The following DHRS11 variants were observed in gnomAD, a reference collection of about 807,000 sequenced individuals.
The protein encoded by DHRS11 is dehydrogenase/reductase 11.
Under a neutral mutation model 30.7 loss-of-function variants are expected in DHRS11, and 18 were observed. That is an observed-to-expected ratio of 0.59 (90% CI 0.41 to 0.87). DHRS11 has a LOEUF of 0.87. Among genes scored for constraint, DHRS11 ranks in the 40% least tolerant of loss-of-function variants. The pLI is 0.00. For missense variants in DHRS11, 300 were observed against 349.0 expected (o/e 0.86, Z 1.12); for synonymous variants, 123 against 139.6 (o/e 0.88, Z 0.84).
At position 36,592,295 on chromosome 17, in the gene DHRS11, T is replaced by A. The variant is rs995847566; in HGVS notation, c.147+139T>A. On this transcript the variant is annotated intron_variant, in intron 1 of 6. Transcript: ENST00000618403. The surrounding 1 kb of genome is among the most constrained non-coding windows in gnomAD (Gnocchi z 4.4). The stretch of plus-strand genomic sequence containing the variant: ...CTTAAGGCAGGCTTCTCCCTTCCCC[T>A]TAAGTCTCATCTTTGAAGGAGCCGT... 114 of 1,101,690 alleles carry A rather than the reference T, an allele frequency of 1.0e-4. No homozygotes were observed. Among genetic ancestry groups the A allele is most frequent in the Non-Finnish European group, 1.3e-4 (109 of 871,206 alleles). 68.2% of individuals were successfully genotyped at this position (1,101,690 alleles called of 1,614,324 possible). A position where few individuals can be genotyped will look rare whatever the true frequency, so the allele number is the denominator to read the frequency against.
chr17:36,595,410 C>CTTTTTTTTTT (rs34424724), intron 2 of DHRS11, among the ~76,000 whole-genome samples: 1 of 51,640 alleles, frequency 1.9e-5, no homozygotes, highest in African/African-American at 8.9e-5. Context: ...GGAGGTAGTT[C>CTTTTTTTTTT]TTTTTTTTTT....
Position 36,595,249 on chromosome 17 carries a change from A to C in DHRS11, c.357+69A>C, listed in dbSNP as rs1246325966. On this transcript the variant is annotated intron_variant, in intron 2 of 6. Coordinates refer to ENST00000618403, the MANE Select transcript of DHRS11 (RefSeq NM_024308.4). ...GAGAGAGGGGAGCCAGGGGTTTGTGAACCAGAGTGCTGCTGGGGACGGGAC... is the reference window on the plus strand; with the variant it reads ...GAGAGAGGGGAGCCAGGGGTTTGTGCACCAGAGTGCTGCTGGGGACGGGAC... 4 of 1,571,582 alleles carry C rather than the reference A, an allele frequency of 2.5e-6. No homozygotes were observed. In the African/African-American group the frequency reaches 5.4e-5, roughly 21 times the overall value.
In DHRS11 at chr17:36,600,349, A is replaced by G. The variant is rs1408200264; in HGVS notation, c.*146A>G. 1.0e-5 allele frequency: 9 copies of G among 890,808 alleles called. No individual in the cohort carries two copies. Among genetic ancestry groups the G allele is most frequent in the South Asian group, 1.0e-4 (6 of 60,192 alleles). 55.2% of individuals were successfully genotyped at this position (890,808 alleles called of 1,614,324 possible). ...TAGAAAATTTGTTTGAGATTTTTAT[A>G]TCATCTTGTCAAATTGCTTCAGTTG... On this transcript the variant is annotated 3_prime_UTR_variant, in exon 7 of 7. Coordinates refer to ENST00000618403, the MANE Select transcript of DHRS11 (RefSeq NM_024308.4).
chr17:36,595,061 A>G lies in DHRS11; in HGVS notation c.238A>G (p.Met80Val), dbSNP rs541796758. The change falls in exon 2 of 7, where the codon ATG (methionine) becomes GTG (valine). Residue 80 changes from methionine to valine, a missense_variant. Transcript: ENST00000618403. Reference protein sequence around the residue: ...DLSNEEDILSMFSAIRSQHSG... With the variant: ...DLSNEEDILSVFSAIRSQHSG... ...ATCAAATGAAGAGGACATCCTCTCC[A>G]TGTTCTCAGCTATCCGTTCTCAGCA... is the stretch of plus-strand genomic sequence containing the variant. 1.1e-4 allele frequency: 171 copies of G among 1,614,090 alleles called. No homozygotes were observed. The highest frequency in any genetic ancestry group is 1.4e-4 in the Non-Finnish European group (162 of 1,180,038).
chr17:36,599,050 G>T lies in DHRS11; in HGVS notation c.582G>T (p.Thr194=). The T allele has an allele frequency of 6.2e-7, 1 of 1,611,132 alleles. No homozygotes were observed. The highest frequency in any genetic ancestry group is 1.1e-5 in the South Asian group (1 of 91,060). The part of the protein sequence containing the change: ...LREAQTHIRA[T]CISPGVVETQ... Reference sequence around the variant, plus strand: ...AGGCCCAGACCCACATCCGAGCCACGGTGAGGCTGTGGCCTAGCCCTGGTG... The same window carrying T: ...AGGCCCAGACCCACATCCGAGCCACTGTGAGGCTGTGGCCTAGCCCTGGTG... Residue 194 remains threonine, a splice_region_variant and synonymous_variant, in exon 4 of 7, where the codon ACG becomes ACT. Transcript: ENST00000618403.
chr17:36,591,998 C>A lies in DHRS11; in HGVS notation c.-12C>A. 1 of 1,225,010 alleles carries A rather than the reference C, an allele frequency of 8.2e-7. No individual in the cohort carries two copies. The highest frequency in any genetic ancestry group is 1.0e-6 in the Non-Finnish European group (1 of 983,378). The allele number at this position is 1,225,010 out of a possible 1,614,324, so 75.9% of individuals were successfully genotyped here. The stretch of plus-strand genomic sequence containing the variant: ...GGGCTAGTCCAGCGAGGCGGACGGG[C>A]GGCGTGGGCCCATGGCCAGGCCCGG... On this transcript the variant is annotated 5_prime_UTR_variant, in exon 1 of 7. Coordinates refer to ENST00000618403, the MANE Select transcript of DHRS11 (RefSeq NM_024308.4).
At chr17:36,596,578 T>C (rs2074812817) in intron 2 of DHRS11, 1 of 304,808 alleles carries the variant, frequency 3.3e-6, no homozygotes, top group Non-Finnish European at 6.6e-6. Flanking sequence ...TATTCTCTGG[T>C]ATGGCTTGAT....
In DHRS11 at chr17:36,599,011, G is replaced by A. The variant is rs200684120; in HGVS notation, c.543G>A (p.Arg181=). The A allele has an allele frequency of 1.7e-5, 27 of 1,613,082 alleles. No individual in the cohort carries two copies. The East Asian group carries it at 5.8e-4, about 35-fold the overall frequency. Residue 181 remains arginine (R), a synonymous_variant, in exon 4 of 7, where the codon AGG becomes AGA. Coordinates refer to ENST00000618403, the MANE Select transcript of DHRS11 (RefSeq NM_024308.4). ...YAVTALTEGL[R]QELREAQTHI... ...TCACTGCGCTGACAGAGGGACTGAG[G>A]CAAGAGCTTCGGGAGGCCCAGACCC...
intron 3 of DHRS11, chr17:36,598,535 A>G (rs1177611051): frequency 5.5e-6 from 3 of 540,942 alleles, no homozygotes; most frequent in Non-Finnish European, 9.8e-6. Context: ...ACCCCACCTC[A>G]TGGCACAAAG....
chr17:36,598,053 C>A, intron 2 of DHRS11, 110 bp from the exon 3 acceptor site: 1 of 1,085,484 alleles, frequency 9.2e-7, no homozygotes, highest in Non-Finnish European at 1.4e-6. Flanking sequence ...GGGACCTGGA[C>A]ACTGTTTTGG....
Position 36,598,847 on chromosome 17 carries a change from CG to C in DHRS11, c.453-71del. The C allele has an allele frequency of 3.9e-6, 6 of 1,539,028 alleles. No individual in the cohort carries two copies. In the South Asian group the frequency reaches 7.5e-5, roughly 19 times the overall value. On this transcript the variant is annotated intron_variant, in intron 3 of 6. Coordinates refer to ENST00000618403, the MANE Select transcript of DHRS11 (RefSeq NM_024308.4). The stretch of plus-strand genomic sequence containing the variant: ...TGGGCATCTGGGTGGTGGGGCTGAC[CG>C]GGTACGGCAGGAGCACCACTGGTCT...
At position 36,592,181 on chromosome 17, in the gene DHRS11, C is replaced by A. The variant is rs372656712; in HGVS notation, c.147+25C>A. ...GGTGAGGCCGGGCCGAGGGCGGGGA[C>A]GTCGCGGGCGGGTCGTTTCCCCGGA... On this transcript the variant is annotated intron_variant, in intron 1 of 6. Coordinates refer to ENST00000618403, the MANE Select transcript of DHRS11 (RefSeq NM_024308.4). This position sits in a 1 kb window ranked among gnomAD's most constrained non-coding sequence, Gnocchi z 4.4. 7.9e-7 allele frequency: 1 copy of A among 1,261,864 alleles called. No homozygotes were observed. The highest frequency in any genetic ancestry group is 3.0e-5 in the East Asian group (1 of 33,382). 78.2% of individuals were successfully genotyped at this position (1,261,864 alleles called of 1,614,324 possible).
chr17:36,600,151 AC>A lies in DHRS11; in HGVS notation c.742-9del. Reference sequence around the variant, plus strand: ...GTGTCACAGCTGCCTCATGCCTTGTACCTTCCACAGATTGGAGACATCCAGA... The same window carrying A: ...GTGTCACAGCTGCCTCATGCCTTGTACTTCCACAGATTGGAGACATCCAGA... On this transcript the variant is annotated splice_polypyrimidine_tract_variant and intron_variant, in intron 6 of 6. Transcript: ENST00000618403. The A allele has an allele frequency of 6.3e-7, 1 of 1,595,958 alleles. No individual in the cohort carries two copies.
At chr17:36,598,410 G>A in intron 3 of DHRS11, 153 bp downstream of exon 3, 3 of 736,896 alleles carry the variant, frequency 4.1e-6, no homozygotes, top group East Asian at 5.5e-5. Context: ...GAATAATGTT[G>A]TCAAGTACCA....
intron 4 of DHRS11, 137 bp from the exon 5 acceptor site, chr17:36,599,534 G>T (rs1400405768): frequency 1.3e-6 from 1 of 789,738 alleles, no homozygotes; most frequent in Non-Finnish European, 2.1e-6. Flanking sequence ...TGGCAGCTTC[G>T]GAGGGAGGAG....
At position 36,600,227 on chromosome 17, in the gene DHRS11, C is replaced by G. The variant is rs771007134; in HGVS notation, c.*24C>G. ...AGTGACTGTGGGAGCTCCTCCTTCC[C>G]TCCCCACCCTTCATGGCTTGCCTCC... On this transcript the variant is annotated 3_prime_UTR_variant, in exon 7 of 7. Coordinates refer to ENST00000618403, the MANE Select transcript of DHRS11 (RefSeq NM_024308.4). 2.5e-6 allele frequency: 4 copies of G among 1,614,094 alleles called. No individual in the cohort carries two copies. The highest frequency in any genetic ancestry group is 1.7e-4 in the Middle Eastern group (1 of 6,058).
At chr17:36,598,389 G>T in intron 3 of DHRS11, 132 bp downstream of exon 3, 1 of 830,036 alleles carries the variant, frequency 1.2e-6, no homozygotes, top group Non-Finnish European at 1.9e-6. Flanking sequence ...GCACAATTAT[G>T]GTGAGGGAAA....
rs373714621 is a variant in DHRS11 at position 36,599,818 on chromosome 17, G to A, written c.675+55G>A. On this transcript the variant is annotated intron_variant, in intron 5 of 6. Transcript: ENST00000618403. The stretch of plus-strand genomic sequence containing the variant: ...CACTGACTCCCTAAATGAAGGCAGA[G>A]GGAAGCTCGGCCTTCAGACTCCACT... The A allele has an allele frequency of 6.5e-5, 105 of 1,608,566 alleles. No individual in the cohort carries two copies. The African/African-American group carries it at 8.0e-4, about 12-fold the overall frequency.
chr17:36,598,449 A>G, intron 3 of DHRS11, 192 bp downstream of exon 3: 1 of 617,594 alleles, frequency 1.6e-6, no homozygotes, highest in Non-Finnish European at 2.8e-6. Context: ...TGGGCAGCTT[A>G]GCCCCTTCCC....
Sources: allele counts gnomAD v4.1 joint callset (sites outside exome capture counted in the v4.1 genomes callset), GRCh38; gene constraint gnomAD v4.1.1; non-coding constraint Gnocchi (gnomAD v3.1); transcripts MANE v1.5; gene names NCBI Gene and HGNC (gene_info 2026-07-23, HGNC 2026-07-21).